Variants in AGMO observed in about 807,000 individuals in gnomAD.
AGMO encodes the protein alkylglycerol monooxygenase.
AGMO carries 75 observed loss-of-function variants against 60.2 expected under a neutral mutation model. That is an observed-to-expected ratio of 1.25 (90% CI 1.03 to 1.51). The LOEUF (loss-of-function observed/expected upper bound fraction) is 1.51. AGMO is among the 40% of genes most tolerant of loss of function. The pLI is 0.00. For synonymous variants in AGMO, 261 were observed against 177.1 expected (o/e 1.47, Z -3.76); for missense variants, 763 against 525.5 (o/e 1.45, Z -4.42).
At chr7:15,148,001 C>T in the AGMO span, among the ~76,000 whole-genome samples, 1 of 152,050 alleles carries the variant, frequency 6.6e-6, no homozygotes, top group Non-Finnish European at 1.5e-5. Context: ...AGAGGAGCGG[C>T]TCAAACTAAA....
intron 3 of AGMO, among the ~76,000 whole-genome samples, chr7:15,451,534 T>G (rs1781855434): frequency 6.6e-6 from 1 of 152,166 alleles, no homozygotes; most frequent in Admixed American, 6.5e-5. Context: ...CACTGTATTC[T>G]TACATGGTGG....
intron 3 of AGMO, among the ~76,000 whole-genome samples, chr7:15,456,993 C>T (rs763094821): frequency 6.6e-6 from 1 of 152,078 alleles, no homozygotes; most frequent in Non-Finnish European, 1.5e-5. Context: ...TTCAATTAGC[C>T]ATATTTATTG....
At chr7:15,534,503 A>G (rs1349251385) in intron 3 of AGMO, among the ~76,000 whole-genome samples, 3 of 151,988 alleles carry the variant, frequency 2.0e-5, no homozygotes, top group Non-Finnish European at 2.9e-5. Context: ...ATCTAGGAAG[A>G]GATCATTAGT....
chr7:15,513,456 G>C (rs1037419981), intron 3 of AGMO, among the ~76,000 whole-genome samples: 15 of 152,042 alleles, frequency 9.9e-5, no homozygotes, highest in Admixed American at 3.9e-4. Flanking sequence ...TTCACATTCT[G>C]GTGGGAGTGT....
At chr7:15,385,655 T>A (rs2128483141) in intron 9 of AGMO, 93 bp from the exon 10 acceptor site, 1 of 735,190 alleles carries the variant, frequency 1.4e-6, no homozygotes, top group Non-Finnish European at 2.3e-6. Context: ...AAGTATCTGC[T>A]ATTTTTTTTA....
intron 12 of AGMO, among the ~76,000 whole-genome samples, chr7:15,292,751 C>CTTTTTTT (rs765222435): frequency 1.2e-4 from 11 of 95,124 alleles, no homozygotes; most frequent in African/African-American, 1.4e-4. Flanking sequence ...TTTTTTTTTC[C>CTTTTTTT]TTTTTTTTTT....
At chr7:15,339,837 A>G (rs1781780941) in intron 12 of AGMO, among the ~76,000 whole-genome samples, 1 of 152,240 alleles carries the variant, frequency 6.6e-6, no homozygotes, top group African/African-American at 2.4e-5. Context: ...GCAATTTTTT[A>G]AATCAAGTAT....
chr7:15,394,717 C>T (rs1381097725), intron 5 of AGMO, among the ~76,000 whole-genome samples: 3 of 151,996 alleles, frequency 2.0e-5, no homozygotes, highest in Non-Finnish European at 4.4e-5. Flanking sequence ...GTTGTTTCAC[C>T]CTGTAAATCA....
At chr7:15,331,391 TTG>T (rs1434402119) in intron 12 of AGMO, among the ~76,000 whole-genome samples, 4 of 152,148 alleles carry the variant, frequency 2.6e-5, no homozygotes, top group Non-Finnish European at 5.9e-5. Flanking sequence ...GGTTGAAATG[TTG>T]TGAGAATAAA....
chr7:15,365,097 C>T (rs1664143912), intron 12 of AGMO, among the ~76,000 whole-genome samples: 1 of 151,948 alleles, frequency 6.6e-6, no homozygotes, highest in African/African-American at 2.4e-5. Flanking sequence ...AGAATGATTA[C>T]TTTTTACAGG....
intron 3 of AGMO, among the ~76,000 whole-genome samples, chr7:15,518,463 C>A (rs1226869548): frequency 6.6e-6 from 1 of 152,296 alleles, no homozygotes; most frequent in African/African-American, 2.4e-5. Context: ...GACAGAGCTT[C>A]CAGAGGAAGG....
At chr7:15,174,060 A>G in the AGMO span, among the ~76,000 whole-genome samples, 2 of 152,158 alleles carry the variant, frequency 1.3e-5, no homozygotes, top group East Asian at 1.9e-4. Flanking sequence ...TGATGTTTGT[A>G]AAATATTGGG....
intron 12 of AGMO, among the ~76,000 whole-genome samples, chr7:15,219,864 A>C (rs1370848611): frequency 6.6e-6 from 1 of 152,176 alleles, no homozygotes; most frequent in Non-Finnish European, 1.5e-5. Context: ...AAGAAAATAT[A>C]TCTATGCTCT....
chr7:15,441,971 G>C (rs1447738791), intron 3 of AGMO, among the ~76,000 whole-genome samples: 1 of 152,076 alleles, frequency 6.6e-6, no homozygotes, highest in Non-Finnish European at 1.5e-5. Context: ...ACTTCCTATT[G>C]GTCTTAACAT....
At chr7:15,445,846 T>C (rs1781684744) in intron 3 of AGMO, among the ~76,000 whole-genome samples, 1 of 152,166 alleles carries the variant, frequency 6.6e-6, no homozygotes, top group Non-Finnish European at 1.5e-5. Flanking sequence ...ATGGCTTCCA[T>C]GAACCTCTTC....
At chr7:15,288,986 T>C (rs1005949967) in intron 12 of AGMO, among the ~76,000 whole-genome samples, 13 of 151,972 alleles carry the variant, frequency 8.6e-5, no homozygotes, top group South Asian at 6.2e-4. Flanking sequence ...ATTTGCTAAG[T>C]GTGCTGTTGT....
chr7:15,282,367 A>G (rs1783992589), intron 12 of AGMO, among the ~76,000 whole-genome samples: 1 of 152,122 alleles, frequency 6.6e-6, no homozygotes, highest in Admixed American at 6.5e-5. Context: ...AAAGAGATAG[A>G]TATTTTACAG....
At chr7:15,272,059 TG>T (rs1783627551) in intron 12 of AGMO, among the ~76,000 whole-genome samples, 1 of 152,198 alleles carries the variant, frequency 6.6e-6, no homozygotes, top group Admixed American at 6.6e-5. Flanking sequence ...CTTTTTGATG[TG>T]CTACTGGATT....
chr7:15,346,341 C>G (rs1313813778), intron 12 of AGMO, among the ~76,000 whole-genome samples: 1 of 152,018 alleles, frequency 6.6e-6, no homozygotes, highest in Non-Finnish European at 1.5e-5. Context: ...TTGGTCTAGT[C>G]CCGAGTACTT....
Sources: allele counts gnomAD v4.1 joint callset (sites outside exome capture counted in the v4.1 genomes callset), GRCh38; gene constraint gnomAD v4.1.1; transcripts MANE v1.5; gene names NCBI Gene and HGNC (gene_info 2026-07-23, HGNC 2026-07-21).